The following LRRC4C variants were observed in gnomAD, a reference collection of about 807,000 sequenced individuals.
The protein encoded by LRRC4C is leucine rich repeat containing 4C.
Under a neutral mutation model 33.6 loss-of-function variants are expected in LRRC4C, and 5 were observed. The ratio of observed to expected loss-of-function variants is 0.15; its 90% CI spans 0.08 to 0.31. The LOEUF (loss-of-function observed/expected upper bound fraction) is 0.31, where lower values mean the gene tolerates loss of function less well. Among genes scored for constraint, LRRC4C ranks in the 10% least tolerant of loss-of-function variants. The pLI, the probability that LRRC4C is intolerant of heterozygous loss-of-function variation, is 1.00. For missense variants in LRRC4C, 560 were observed against 796.7 expected, an observed-to-expected ratio of 0.70 and a Z score of 3.58; for synonymous variants, 329 against 302.0, an observed-to-expected ratio of 1.09 and a Z score of -0.93.
chr11:41,247,864 C>T (rs578174539), intron 1 of LRRC4C, among the ~76,000 whole-genome samples: 8 of 152,194 alleles, frequency 5.3e-5, no homozygotes, highest in Admixed American at 3.3e-4. Flanking sequence ...CCACGCTGGC[C>T]CATTTTGAGG....
rs146955582 is a variant in LRRC4C, at chr11:40,249,959, C to T, written c.-175-8361G>A. 1.6e-3 allele frequency among the ~76,000 whole-genome samples: 242 copies of T among 152,312 alleles called. 2 individuals carry two copies. Among genetic ancestry groups the T allele is most frequent in the African/African-American group, 5.4e-3 (223 of 41,580 alleles). ...ATTTCAGGACCCTCTAAATTTATTG[C>T]GCCAAGGGGCAAGTTAAGCCCTGGA... On this transcript the variant is annotated intron_variant, in intron 4 of 6. Transcript: ENST00000528697.
Position 40,793,231 on chromosome 11 carries a change from T to C in LRRC4C, c.-407+140404A>G, listed in dbSNP as rs1287581405. ...TGAGAAAATTATTTCTCAAAAATATTAAGAAAATAATTTAATTGTTACTGT... is the reference window on the plus strand; with the variant it reads ...TGAGAAAATTATTTCTCAAAAATATCAAGAAAATAATTTAATTGTTACTGT... On this transcript the variant is annotated intron_variant, in intron 2 of 6. Coordinates refer to ENST00000528697, the MANE Select transcript of LRRC4C (RefSeq NM_001258419.2). 3.3e-5 allele frequency among the ~76,000 whole-genome samples: 5 copies of C among 152,144 alleles called. No homozygotes were observed. The East Asian group carries it at 9.6e-4, about 29-fold the overall frequency.
At chr11:40,215,867 G>C (rs1426368366) in intron 5 of LRRC4C, among the ~76,000 whole-genome samples, 1 of 152,116 alleles carries the variant, frequency 6.6e-6, no homozygotes, top group Non-Finnish European at 1.5e-5. Context: ...AGGAGAGAGA[G>C]CTCAAAGAAT....
At chr11:40,910,000 T>C (rs1024651354) in intron 2 of LRRC4C, among the ~76,000 whole-genome samples, 14 of 152,292 alleles carry the variant, frequency 9.2e-5, no homozygotes, top group Admixed American at 5.2e-4. Flanking sequence ...ATGTCTTCCC[T>C]TTATAATTCT....
chr11:40,293,291 T>A (rs1216697693), intron 4 of LRRC4C: 1 of 127,186 alleles, frequency 7.9e-6, no homozygotes, highest in Non-Finnish European at 1.8e-5. Context: ...CCCCCGCTAC[T>A]TTTTTTTTTT....
At chr11:40,280,726 T>C (rs1943416922) in intron 4 of LRRC4C, among the ~76,000 whole-genome samples, 1 of 152,150 alleles carries the variant, frequency 6.6e-6, no homozygotes, top group Admixed American at 6.6e-5. Context: ...AGACTGCTGC[T>C]CTGCACTTGC....
At chr11:41,376,840 G>C (rs1000973905) in intron 1 of LRRC4C, among the ~76,000 whole-genome samples, 1 of 145,700 alleles carries the variant, frequency 6.9e-6, no homozygotes, top group Non-Finnish European at 1.6e-5. Context: ...AAAGAAAATA[G>C]ATAGATACAC....
At chr11:40,404,742 G>A (rs540118700) in intron 3 of LRRC4C, among the ~76,000 whole-genome samples, 3 of 152,172 alleles carry the variant, frequency 2.0e-5, no homozygotes, top group Admixed American at 1.3e-4. Flanking sequence ...AAAATGTAGA[G>A]CAGCCTCCCA....
rs74583014 is a variant in LRRC4C, at chr11:40,428,402, G to A, written c.-269-108681C>T. Among the ~76,000 whole-genome samples, 4 of 152,254 alleles carry A rather than the reference G, an allele frequency of 2.6e-5. No individual in the cohort carries two copies. In the East Asian group the frequency reaches 7.7e-4, roughly 29 times the overall value. ...GTCTCAGTTTTCCCATCTGTAAAAT[G>A]AGTTCATTTGGAAAAGCTGATCTCT... On this transcript the variant is annotated intron_variant, in intron 3 of 6. Transcript: ENST00000528697.
intron 1 of LRRC4C, among the ~76,000 whole-genome samples, chr11:41,140,304 CAT>C (rs1379393006): frequency 2.0e-4 from 30 of 150,444 alleles, no homozygotes; most frequent in African/African-American, 7.1e-4. Flanking sequence ...CACCCTTCTC[CAT>C]ATGAGTTAGG....
chr11:41,011,799 T>TAAAA (rs56021850), intron 1 of LRRC4C, among the ~76,000 whole-genome samples: 7 of 142,322 alleles, frequency 4.9e-5, no homozygotes, highest in Non-Finnish European at 9.1e-5. Context: ...CACTTAAAAT[T>TAAAA]AAAAAAAAAA....
intron 3 of LRRC4C, chr11:40,351,558 G>A (rs942795569): frequency 5.9e-5 from 9 of 151,946 alleles, no homozygotes; most frequent in Admixed American, 1.3e-4. Flanking sequence ...TCTAATATTT[G>A]CTTTAGACTA....
intron 3 of LRRC4C, among the ~76,000 whole-genome samples, chr11:40,381,243 AG>A (rs1181256607): frequency 6.8e-6 from 1 of 146,070 alleles, no homozygotes; most frequent in Non-Finnish European, 1.5e-5. Context: ...AAAAAAAAAA[AG>A]CCTAGGTAAT....
rs151092870 is a variant in LRRC4C at position 40,937,077 on chromosome 11, A to G, written c.-495-3354T>C. ...ATGGAATCAACCCAGGTTTCCATCA[A>G]TGGCAGATTGGATAAAGAAAATGTG... On this transcript the variant is annotated intron_variant, in intron 1 of 6. Transcript: ENST00000528697. Among the ~76,000 whole-genome samples, 51 of 152,304 alleles carry G rather than the reference A, an allele frequency of 3.3e-4. 1 individual carries two copies. The East Asian group carries it at 8.3e-3, about 25-fold the overall frequency.
intron 1 of LRRC4C, among the ~76,000 whole-genome samples, chr11:41,165,374 A>C (rs1944673829): frequency 6.6e-6 from 1 of 152,142 alleles, no homozygotes; most frequent in African/African-American, 2.4e-5. Context: ...TGCTCTGTGA[A>C]GAATTTCACA....
At chr11:40,727,742 G>T (rs1947353860) in intron 2 of LRRC4C, among the ~76,000 whole-genome samples, 1 of 152,074 alleles carries the variant, frequency 6.6e-6, no homozygotes. Flanking sequence ...AGCAGGCAAA[G>T]AACATGTCAA....
intron 5 of LRRC4C, among the ~76,000 whole-genome samples, chr11:40,166,512 G>T (rs1490026974): frequency 6.6e-6 from 1 of 152,046 alleles, no homozygotes; most frequent in African/African-American, 2.4e-5. Context: ...GTGTGTGCTG[G>T]TTAACTGTGT....
chr11:40,687,601 C>A (rs185609311), intron 2 of LRRC4C, among the ~76,000 whole-genome samples: 1 of 152,174 alleles, frequency 6.6e-6, no homozygotes, highest in Admixed American at 6.6e-5. Context: ...AGAAATATTT[C>A]TTTGCCCATT....
At chr11:40,503,389 C>T (rs558852030) in intron 3 of LRRC4C, among the ~76,000 whole-genome samples, 140 of 152,284 alleles carry the variant, frequency 9.2e-4, no homozygotes, top group Non-Finnish European at 1.6e-3. Context: ...AAATGAATTA[C>T]ACTTTATTTA....
Sources: allele counts gnomAD v4.1 joint callset (sites outside exome capture counted in the v4.1 genomes callset), GRCh38; gene constraint gnomAD v4.1.1; transcripts MANE v1.5; gene names NCBI Gene and HGNC (gene_info 2026-07-23, HGNC 2026-07-21).